FRMD6: variants seen among roughly 807,000 people sequenced by gnomAD.
The protein encoded by FRMD6 is FERM domain containing 6, also known as FERM domain-containing protein 6.
In FRMD6, 37 loss-of-function variants were observed where a neutral mutation model predicts 73.2. The ratio of observed to expected loss-of-function variants is 0.51; its 90% CI spans 0.39 to 0.66. The LOEUF (loss-of-function observed/expected upper bound fraction) is 0.66. Ranked by LOEUF, FRMD6 falls within the 30% of genes least tolerant of loss-of-function variation. The pLI, the probability that FRMD6 is intolerant of heterozygous loss-of-function variation, is 0.00. For synonymous variants in FRMD6, 273 were observed against 282.2 expected (o/e 0.97, Z 0.33); for missense variants, 714 against 780.5 (o/e 0.91, Z 1.02).
chr14:51,557,938 T>C lies in FRMD6; in HGVS notation c.-209-12410T>C, dbSNP rs559313943. Among the ~76,000 whole-genome samples the C allele has an allele frequency of 4.5e-4, 67 of 150,206 alleles. 1 individual carries two copies. Among genetic ancestry groups the C allele is most frequent in the African/African-American group, 1.6e-3 (66 of 40,556 alleles). Reference sequence around the variant, plus strand: ...AACTTACCTATATAACAAACCTGCATGTGTGTACCCCTGAACTAAAATAAA... The same window carrying C: ...AACTTACCTATATAACAAACCTGCACGTGTGTACCCCTGAACTAAAATAAA... On this transcript the variant is annotated intron_variant, in intron 1 of 14. Transcript: ENST00000356218.
chr14:51,502,043 A>G (rs1303065640), intron 1 of FRMD6, among the ~76,000 whole-genome samples: 1 of 152,116 alleles, frequency 6.6e-6, no homozygotes, highest in East Asian at 1.9e-4. Flanking sequence ...GTGTCTGTTC[A>G]TGTCCTTTGC....
chr14:51,488,218 T>A (rs8015538), upstream of FRMD6, among the ~76,000 whole-genome samples: 2 of 152,070 alleles, frequency 1.3e-5, no homozygotes, highest in Non-Finnish European at 2.9e-5. Context: ...TTCGCAGTAA[T>A]TTTGATTGGC....
the FRMD6 span, among the ~76,000 whole-genome samples, chr14:51,483,798 G>A: frequency 7.8e-4 from 119 of 152,306 alleles, no homozygotes; most frequent in Non-Finnish European, 1.5e-3. Flanking sequence ...CATGTTTCAA[G>A]GAAAATGAAA....
chr14:51,599,756 G>A (rs1235424325), intron 2 of FRMD6: 1 of 151,718 alleles, frequency 6.6e-6, no homozygotes, highest in Non-Finnish European at 1.5e-5. Flanking sequence ...TTTTCTTCAA[G>A]CTTTGTAGCC....
rs892872285 is a variant in FRMD6, at chr14:51,730,486, A to G, written c.*2457A>G. 3 of 152,586 alleles carry G rather than the reference A, an allele frequency of 2.0e-5. No homozygotes were observed. The highest frequency in any genetic ancestry group is 6.5e-5 in the Admixed American group (1 of 15,276). 9.5% of individuals were successfully genotyped at this position (152,586 alleles called of 1,614,324 possible). Reference sequence around the variant, plus strand: ...CTGTTATTTATTCTGCATTTCTTACATATCTATCGCTTGTCAGTATACCCG... The same window carrying G: ...CTGTTATTTATTCTGCATTTCTTACGTATCTATCGCTTGTCAGTATACCCG... On this transcript the variant is annotated 3_prime_UTR_variant, in exon 14 of 14. Transcript: ENST00000344768.
chr14:51,628,091 A>AT (rs1002030053), intron 2 of FRMD6, among the ~76,000 whole-genome samples: 2 of 152,190 alleles, frequency 1.3e-5, no homozygotes, highest in East Asian at 1.9e-4. Flanking sequence ...TATAGATGCA[A>AT]TTTTTTTTCC....
At chr14:51,468,106 C>G in the FRMD6 span, among the ~76,000 whole-genome samples, 1 of 152,054 alleles carries the variant, frequency 6.6e-6, no homozygotes, top group Non-Finnish European at 1.5e-5. Context: ...CCGGCCAATA[C>G]GGCGAAACCC....
At chr14:51,651,105 T>C (rs555676559), upstream of FRMD6, 4 of 152,642 alleles carry the variant, frequency 2.6e-5, no homozygotes, top group Admixed American at 6.5e-5. Flanking sequence ...CACTGGCCCT[T>C]TGCATCTCTC....
At chr14:51,470,236 G>C in the FRMD6 span, among the ~76,000 whole-genome samples, 1 of 152,034 alleles carries the variant, frequency 6.6e-6, no homozygotes, top group African/African-American at 2.4e-5. Flanking sequence ...ATCAGCTTTT[G>C]GGCGGGGCAT....
In FRMD6 at chr14:51,727,779, G is replaced by A. The variant is rs541676316; in HGVS notation, c.1619G>A (p.Arg540Gln). Residue 540 changes from arginine (R) to glutamine (Q), a missense_variant, in exon 14 of 14, where the codon CGA (arginine) becomes CAA (glutamine). Transcript: ENST00000344768. ...ICRKPKTSTDRHSLSLDDIRL... is the reference protein window; with the variant it reads ...ICRKPKTSTDQHSLSLDDIRL... Reference sequence around the variant, plus strand: ...CGGAAACCAAAGACCTCCACTGATCGACACAGCTTGAGCCTCGATGACATC... The same window carrying A: ...CGGAAACCAAAGACCTCCACTGATCAACACAGCTTGAGCCTCGATGACATC... The A allele has an allele frequency of 3.5e-5, 57 of 1,610,274 alleles. No individual in the cohort carries two copies. The highest frequency in any genetic ancestry group is 2.1e-4 in the South Asian group (19 of 90,976).
At chr14:51,410,483 T>C in the FRMD6 span, among the ~76,000 whole-genome samples, 1 of 152,234 alleles carries the variant, frequency 6.6e-6, no homozygotes, top group African/African-American at 2.4e-5. Context: ...ATAACTCCAA[T>C]TATTCTCTTA....
intron 12 of FRMD6, among the ~76,000 whole-genome samples, chr14:51,723,293 G>A (rs1273161384): frequency 2.6e-5 from 4 of 152,150 alleles, no homozygotes; most frequent in Non-Finnish European, 5.9e-5. Flanking sequence ...TCTAAAAACT[G>A]TGTATGCCGC....
the FRMD6 span, among the ~76,000 whole-genome samples, chr14:51,458,803 A>G: frequency 6.6e-6 from 1 of 152,208 alleles, no homozygotes; most frequent in African/African-American, 2.4e-5. Context: ...TCTAGGTCTT[A>G]GTGATGAGAC....
rs79566616 is a variant in FRMD6 at position 51,492,651 on chromosome 14, A to G, written c.-210+3231A>G. Among the ~76,000 whole-genome samples, 1,174 of 152,334 alleles carry G rather than the reference A, an allele frequency of 7.7e-3. 9 individuals carry two copies. Among genetic ancestry groups the G allele is most frequent in the Middle Eastern group, 0.02 (6 of 294 alleles). Reference sequence around the variant, plus strand: ...TCTCTCATTTTGAATTTTTAAAAAAAGAGAATAAAAGAATTGCAGATTTGA... The same window carrying G: ...TCTCTCATTTTGAATTTTTAAAAAAGGAGAATAAAAGAATTGCAGATTTGA... On this transcript the variant is annotated intron_variant, in intron 1 of 14. Coordinates refer to the FRMD6 transcript ENST00000356218.
chr14:51,499,952 T>C (rs1038082427), intron 1 of FRMD6, among the ~76,000 whole-genome samples: 20 of 152,256 alleles, frequency 1.3e-4, no homozygotes, highest in African/African-American at 4.8e-4. Context: ...GAACCCTGGC[T>C]AGAGAGGGTG....
At chr14:51,442,393 G>C in the FRMD6 span, among the ~76,000 whole-genome samples, 2 of 151,252 alleles carry the variant, frequency 1.3e-5, no homozygotes, top group Admixed American at 1.3e-4. Context: ...TTTTTCGAAG[G>C]TTTTAAATTC....
At chr14:51,613,726 G>T (rs1409570390) in intron 2 of FRMD6, among the ~76,000 whole-genome samples, 1 of 151,920 alleles carries the variant, frequency 6.6e-6, no homozygotes, top group Non-Finnish European at 1.5e-5. Context: ...GTCCCTCTTT[G>T]CTCTAAGAAA....
intron 2 of FRMD6, among the ~76,000 whole-genome samples, chr14:51,606,833 A>G (rs1335651298): frequency 6.6e-6 from 1 of 152,130 alleles, no homozygotes; most frequent in Non-Finnish European, 1.5e-5. Context: ...CCTCAGAACC[A>G]GGGAAGCCAA....
chr14:51,432,127 A>G, the FRMD6 span, among the ~76,000 whole-genome samples: 12,027 of 152,282 alleles, frequency 0.079, 516 homozygotes, highest in East Asian at 0.11. Flanking sequence ...AAAACATTGA[A>G]TTAAGATACA....
Sources: gnomAD v4.1 joint callset for allele counts (sites outside exome capture counted in the v4.1 genomes callset) on GRCh38, gnomAD v4.1.1 for gene constraint, MANE v1.5 for transcripts, NCBI Gene and HGNC (gene_info 2026-07-23, HGNC 2026-07-21) for gene names.